PRIMA1: variants seen among roughly 807,000 people sequenced by gnomAD.
PRIMA1 encodes the protein proline-rich membrane anchor 1.
A neutral mutation model predicts 17.5 loss-of-function variants in PRIMA1; 7 were observed. The ratio of observed to expected loss-of-function variants is 0.40; its 90% CI spans 0.23 to 0.75. The LOEUF is 0.75. PRIMA1 is among the 30% of genes least tolerant of loss of function. The pLI, the probability that PRIMA1 is intolerant of heterozygous loss-of-function variation, is 0.37. For synonymous variants in PRIMA1, 97 were observed against 77.9 expected, an observed-to-expected ratio of 1.25 and a Z score of -1.29; for missense variants, 200 against 201.8, an observed-to-expected ratio of 0.99 and a Z score of 0.05.
chr14:93,751,127 C>T (rs911995960), intron 3 of PRIMA1, among the ~76,000 whole-genome samples: 24 of 152,186 alleles, frequency 1.6e-4, no homozygotes, highest in African/African-American at 5.1e-4. Context: ...GGCAGAAAAG[C>T]GTCACCTGAA....
chr14:93,730,085 G>A lies in PRIMA1; in HGVS notation c.359+7156C>T, dbSNP rs528653779. Among the ~76,000 whole-genome samples, 5 of 152,288 alleles carry A rather than the reference G, an allele frequency of 3.3e-5. No homozygotes were observed. The East Asian group carries it at 5.8e-4, about 18-fold the overall frequency. On this transcript the variant is annotated intron_variant, in intron 4 of 4. Coordinates refer to ENST00000393140, the MANE Select transcript of PRIMA1 (RefSeq NM_178013.4). The stretch of plus-strand genomic sequence containing the variant: ...AATAGAGTCTGTCAGTTTAAAAGGT[G>A]GACTCTGGCAAGTCTGTGGGAACAA...
chr14:93,735,455 C>T (rs1173541700), intron 4 of PRIMA1, among the ~76,000 whole-genome samples: 3 of 152,172 alleles, frequency 2.0e-5, no homozygotes, highest in Non-Finnish European at 4.4e-5. Context: ...AGCAGGCCCT[C>T]AGCTCAAATG....
intron 4 of PRIMA1, among the ~76,000 whole-genome samples, chr14:93,723,418 G>A (rs1171492705): frequency 2.6e-5 from 4 of 152,194 alleles, no homozygotes; most frequent in Admixed American, 2.6e-4. Context: ...AGCCCTGAGT[G>A]AGTGAGTTCA....
At chr14:93,722,515 G>A (rs1053452672) in intron 4 of PRIMA1, among the ~76,000 whole-genome samples, 11 of 151,236 alleles carry the variant, frequency 7.3e-5, no homozygotes, top group East Asian at 2.0e-4. Flanking sequence ...GTGATGGTTC[G>A]GTTGACAATG....
Position 93,718,586 on chromosome 14 carries a change from A to G in PRIMA1, c.*2858T>C, listed in dbSNP as rs2076018083. The G allele has an allele frequency of 6.6e-6, 1 of 152,570 alleles. No homozygotes were observed. The highest frequency in any genetic ancestry group is 1.5e-5 in the Non-Finnish European group (1 of 68,042). 9.5% of individuals were successfully genotyped at this position (152,570 alleles called of 1,614,324 possible). On this transcript the variant is annotated 3_prime_UTR_variant, in exon 5 of 5. Transcript: ENST00000393140. ...ATTACGTATCTCACACTACCTGGGC[A>G]GTTTAACTCATACTTTGTACAGATG...
chr14:93,758,766 T>A (rs184533989), intron 3 of PRIMA1, among the ~76,000 whole-genome samples: 1 of 152,288 alleles, frequency 6.6e-6, no homozygotes, highest in East Asian at 1.9e-4. Flanking sequence ...GTGCCACCTA[T>A]TTCCTAAGTG....
intron 3 of PRIMA1, among the ~76,000 whole-genome samples, chr14:93,747,047 C>A (rs755000089): frequency 1.1e-4 from 16 of 152,120 alleles, no homozygotes; most frequent in Non-Finnish European, 1.9e-4. Flanking sequence ...TGGAGGCAGG[C>A]ATTTGGCAGT....
chr14:93,783,124 C>A (rs10130245), intron 2 of PRIMA1, among the ~76,000 whole-genome samples: 4 of 152,240 alleles, frequency 2.6e-5, no homozygotes, highest in Non-Finnish European at 5.9e-5. Flanking sequence ...TGCTATTTTG[C>A]AATGTGTGTC....
In PRIMA1 at chr14:93,744,769, C is replaced by T. The variant is rs538387337; in HGVS notation, c.230-7399G>A. On this transcript the variant is annotated intron_variant, in intron 3 of 4. Transcript: ENST00000393140. ...TCTCCCCAATTCCTCCCTCCAATCA[C>T]GGATTCCTACAGCAGGAAGCTCTTG... Among the ~76,000 whole-genome samples, 8 of 152,278 alleles carry T rather than the reference C, an allele frequency of 5.3e-5. No individual in the cohort carries two copies. In the East Asian group the frequency reaches 1.2e-3, roughly 22 times the overall value.
At chr14:93,760,194 C>T (rs536935199) in intron 3 of PRIMA1, among the ~76,000 whole-genome samples, 3 of 152,306 alleles carry the variant, frequency 2.0e-5, no homozygotes, top group South Asian at 4.1e-4. Context: ...AGTGAGGAAC[C>T]GAACACAGAC....
In PRIMA1 at chr14:93,766,886, ACT is replaced by A; in HGVS notation, c.229+12288_229+12289del. On this transcript the variant is annotated intron_variant, in intron 3 of 4. Transcript: ENST00000393140. ...AATGAAGAAGGAAAATAAGATACAA[ACT>A]GATTAACTGATAAGGACCATATCTT... 2.0e-5 allele frequency among the ~76,000 whole-genome samples: 3 copies of A among 152,298 alleles called. No individual in the cohort carries two copies. In the Middle Eastern group the frequency reaches 0.01, roughly 518 times the overall value.
At chr14:93,766,394 G>C (rs1168953424) in intron 3 of PRIMA1, among the ~76,000 whole-genome samples, 1 of 152,312 alleles carries the variant, frequency 6.6e-6, no homozygotes, top group East Asian at 1.9e-4. Flanking sequence ...AGGGTCAGGT[G>C]TGCTGGGAGA....
Position 93,735,828 on chromosome 14 carries a change from TA to T in PRIMA1, c.359+1412del, listed in dbSNP as rs1279556422. On this transcript the variant is annotated intron_variant, in intron 4 of 4. Coordinates refer to ENST00000393140, the MANE Select transcript of PRIMA1 (RefSeq NM_178013.4). ...TGCCTCAGCCTCCTGAGGCTGGGAT[TA>T]TAGGCGTGTGCCACCATGACCTGCT... Among the ~76,000 whole-genome samples, 101 of 152,012 alleles carry T rather than the reference TA, an allele frequency of 6.6e-4. 8 individuals are homozygous for T.
chr14:93,769,983 A>C (rs1885009504), intron 3 of PRIMA1, among the ~76,000 whole-genome samples: 1 of 152,166 alleles, frequency 6.6e-6, no homozygotes, highest in Non-Finnish European at 1.5e-5. Context: ...AGGGGGCGCC[A>C]AGTGACATCT....
intron 4 of PRIMA1, among the ~76,000 whole-genome samples, chr14:93,723,836 G>C (rs2076058105): frequency 6.6e-6 from 1 of 152,112 alleles, no homozygotes; most frequent in Non-Finnish European, 1.5e-5. Context: ...GGTGGGGCCT[G>C]GACCACCACC....
chr14:93,779,760 T>A (rs977373116), intron 2 of PRIMA1, among the ~76,000 whole-genome samples: 2 of 152,210 alleles, frequency 1.3e-5, no homozygotes, highest in Non-Finnish European at 2.9e-5. Context: ...AGCCCTGGCC[T>A]TCTCTCCAGC....
chr14:93,779,415 G>T, intron 2 of PRIMA1, 104 bp from the exon 3 acceptor site: 1 of 993,900 alleles, frequency 1.0e-6, no homozygotes, highest in Non-Finnish European at 1.5e-6. Context: ...CTGGGACTTG[G>T]GATTCCTTTC....
intron 3 of PRIMA1, among the ~76,000 whole-genome samples, chr14:93,755,626 G>A (rs1195496481): frequency 6.6e-6 from 1 of 152,096 alleles, no homozygotes; most frequent in Admixed American, 6.5e-5. Context: ...TTCATCTATG[G>A]TCTATACATG....
At chr14:93,765,896 G>A (rs1884881468) in intron 3 of PRIMA1, among the ~76,000 whole-genome samples, 1 of 152,116 alleles carries the variant, frequency 6.6e-6, no homozygotes, top group Non-Finnish European at 1.5e-5. Context: ...CAGAAATTAT[G>A]CTTTCTAAGT....
Sources: gnomAD v4.1 joint callset for allele counts (sites outside exome capture counted in the v4.1 genomes callset) on GRCh38, gnomAD v4.1.1 for gene constraint, MANE v1.5 for transcripts, NCBI Gene and HGNC (gene_info 2026-07-23, HGNC 2026-07-21) for gene names.